LUZP2: variants seen among roughly 807,000 people sequenced by gnomAD.
The protein encoded by LUZP2 is leucine zipper protein 2.
In LUZP2, 52 loss-of-function variants were observed where a neutral mutation model predicts 51.6. The ratio of observed to expected loss-of-function variants is 1.01; its 90% CI spans 0.81 to 1.27. The LOEUF (loss-of-function observed/expected upper bound fraction) is 1.27. LUZP2 is among the 50% of genes most tolerant of loss of function. The pLI is 0.00. For missense variants in LUZP2, 436 were observed against 395.4 expected (o/e 1.10, Z -0.87); for synonymous variants, 154 against 137.3 (o/e 1.12, Z -0.85).
chr11:24,899,592 A>G (rs983852012), intron 5 of LUZP2, among the ~76,000 whole-genome samples: 1 of 152,164 alleles, frequency 6.6e-6, no homozygotes, highest in Non-Finnish European at 1.5e-5. Context: ...CTCAAGAAAG[A>G]TGAAAGTAAA....
At chr11:24,896,915 C>A (rs10834535) in intron 5 of LUZP2, among the ~76,000 whole-genome samples, 84,233 of 151,846 alleles carry the variant, frequency 0.55, 23,681 homozygotes, top group East Asian at 0.78. Flanking sequence ...TTTTATGTCT[C>A]GCTAAAGGAT....
At chr11:24,934,774 GTTTGTATCT>G (rs1854544974) in intron 7 of LUZP2, among the ~76,000 whole-genome samples, 1 of 152,106 alleles carries the variant, frequency 6.6e-6, no homozygotes, top group South Asian at 2.1e-4. Context: ...CTTCTCCATT[GTTTGTATCT>G]AGCCTCAAAC....
intron 9 of LUZP2, among the ~76,000 whole-genome samples, chr11:25,018,043 T>TTTTG (rs1554955726): frequency 1.3e-4 from 4 of 30,740 alleles, no homozygotes; most frequent in Non-Finnish European, 1.9e-4. Context: ...TTCTGTTTTT[T>TTTTG]TTTTGTTTTT....
intron 1 of LUZP2, among the ~76,000 whole-genome samples, chr11:24,506,889 C>G (rs1850161331): frequency 2.0e-5 from 3 of 151,986 alleles, no homozygotes; most frequent in Admixed American, 2.0e-4. Context: ...AATCTAGTCT[C>G]TGTATAAATG....
chr11:24,892,027 A>C (rs1852870786), intron 5 of LUZP2: 1 of 985,548 alleles, frequency 1.0e-6, no homozygotes, highest in Non-Finnish European at 1.2e-6. Flanking sequence ...CTTGGAAAGG[A>C]GTATGTATTC....
intron 5 of LUZP2, chr11:24,786,714 A>ATATATAAATAGGTATATTATGTATTTG (rs767683383): frequency 6.8e-6 from 1 of 148,012 alleles, no homozygotes; most frequent in Non-Finnish European, 1.5e-5. Context: ...TTATGTATTT[A>ATATATAAATAGGTATATTATGTATTTG]TATATATATA....
At chr11:24,846,726 C>A (rs895014730) in intron 5 of LUZP2, among the ~76,000 whole-genome samples, 5 of 151,968 alleles carry the variant, frequency 3.3e-5, no homozygotes, top group African/African-American at 1.2e-4. Flanking sequence ...CAAGGGCAGA[C>A]AAATAACCTT....
chr11:24,732,202 T>G lies in LUZP2; in HGVS notation c.251+14T>G. 6.3e-7 allele frequency: 1 copy of G among 1,585,940 alleles called. No individual in the cohort carries two copies. Among genetic ancestry groups the G allele is most frequent in the Non-Finnish European group, 8.6e-7 (1 of 1,164,014 alleles). On this transcript the variant is annotated intron_variant, in intron 3 of 11. Transcript: ENST00000336930. ...ACAGAAACAAAGGTAAGACTTTTCT[T>G]TTTTTCTTAGTTATTTCTGCCATAG...
intron 8 of LUZP2, 41 bp downstream of exon 8, chr11:24,976,706 CAAAAAAAAAAAAA>C (rs57265111): frequency 2.1e-5 from 7 of 334,288 alleles, no homozygotes; most frequent in African/African-American, 3.5e-5. Context: ...GTAGTTTTAG[CAAAAAAAAAAAAA>C]AAAAAAAAAA....
chr11:24,920,473 C>T (rs1282253879), intron 7 of LUZP2, among the ~76,000 whole-genome samples: 1 of 151,920 alleles, frequency 6.6e-6, no homozygotes, highest in African/African-American at 2.4e-5. Flanking sequence ...ATAATTAAAT[C>T]AAAACTTATC....
At chr11:24,975,172 T>C (rs908574689) in intron 7 of LUZP2, among the ~76,000 whole-genome samples, 23 of 152,090 alleles carry the variant, frequency 1.5e-4, no homozygotes, top group African/African-American at 5.3e-4. Flanking sequence ...ATATTCTGTC[T>C]CTTTTTAAAG....
At chr11:25,047,876 T>C (rs368091084) in intron 9 of LUZP2, among the ~76,000 whole-genome samples, 6 of 152,124 alleles carry the variant, frequency 3.9e-5, no homozygotes, top group African/African-American at 1.4e-4. Context: ...AAGAGTGCAG[T>C]GATACAATCA....
At chr11:24,908,724 C>G (rs1458385597) in intron 6 of LUZP2, among the ~76,000 whole-genome samples, 1 of 151,262 alleles carries the variant, frequency 6.6e-6, no homozygotes, top group Non-Finnish European at 1.5e-5. Flanking sequence ...AATCCTCAGA[C>G]AGGAAGTTGC....
intron 1 of LUZP2, among the ~76,000 whole-genome samples, chr11:24,718,490 G>C (rs893699266): frequency 2.6e-5 from 4 of 152,170 alleles, no homozygotes; most frequent in African/African-American, 9.7e-5. Context: ...TGTCATCCAT[G>C]AATCTTATCT....
At chr11:24,684,253 T>C (rs1856830855) in intron 1 of LUZP2, among the ~76,000 whole-genome samples, 1 of 152,160 alleles carries the variant, frequency 6.6e-6, no homozygotes. Flanking sequence ...CAAAACTATC[T>C]TTTGATCCTA....
At chr11:24,927,773 G>A (rs1352529469) in intron 7 of LUZP2, among the ~76,000 whole-genome samples, 2 of 151,946 alleles carry the variant, frequency 1.3e-5, no homozygotes, top group Admixed American at 6.6e-5. Flanking sequence ...CTTTTGTGAA[G>A]AATGATGGTG....
At chr11:25,033,165 G>C (rs929226772) in intron 9 of LUZP2, among the ~76,000 whole-genome samples, 1 of 152,116 alleles carries the variant, frequency 6.6e-6, no homozygotes, top group South Asian at 2.1e-4. Flanking sequence ...AAGGACAAAT[G>C]GTGCATGTGT....
chr11:24,769,796 TG>T (rs201174760), intron 5 of LUZP2, among the ~76,000 whole-genome samples: 4,105 of 150,590 alleles, frequency 0.027, 246 homozygotes, highest in African/African-American at 0.097. Flanking sequence ...CTTTTTTGTT[TG>T]TTTGTTTTGT....
At chr11:24,699,096 C>T (rs185572639) in intron 1 of LUZP2, among the ~76,000 whole-genome samples, 2 of 150,356 alleles carry the variant, frequency 1.3e-5, no homozygotes, top group Admixed American at 6.6e-5. Flanking sequence ...AACACACACA[C>T]ACACACACAC....
Sources: gnomAD v4.1 joint callset for allele counts (sites outside exome capture counted in the v4.1 genomes callset) on GRCh38, gnomAD v4.1.1 for gene constraint, MANE v1.5 for transcripts, NCBI Gene and HGNC (gene_info 2026-07-23, HGNC 2026-07-21) for gene names.